FBXO38: variants seen among roughly 807,000 people sequenced by gnomAD.
FBXO38 encodes the protein F-box only protein 38.
A neutral mutation model predicts 131.9 loss-of-function variants in FBXO38; 53 were observed. The observed-to-expected ratio is 0.40, with a 90% CI of 0.32 to 0.51. The LOEUF (loss-of-function observed/expected upper bound fraction) is 0.51, where lower values mean the gene tolerates loss of function less well. Among genes scored for constraint, FBXO38 ranks in the 20% least tolerant of loss-of-function variants. The pLI, the probability that FBXO38 is intolerant of heterozygous loss-of-function variation, is 0.53. For missense variants in FBXO38, 1,076 were observed against 1,475.6 expected, an observed-to-expected ratio of 0.73 and a Z score of 4.44; for synonymous variants, 452 against 505.6, an observed-to-expected ratio of 0.89 and a Z score of 1.42.
intron 1 of FBXO38, among the ~76,000 whole-genome samples, chr5:148,387,138 ACAGTAGAACTTCTTT>A (rs1757954900): frequency 6.6e-6 from 1 of 152,202 alleles, no homozygotes; most frequent in Non-Finnish European, 1.5e-5. Context: ...CATTTTACTC[ACAGTAGAACTTCTTT>A]CAAAATTACA....
At chr5:148,440,552 A>T (rs1428460258) in intron 20 of FBXO38, 25 bp downstream of exon 20, 3 of 1,413,454 alleles carry the variant, frequency 2.1e-6, no homozygotes, top group Non-Finnish European at 3.0e-6. Context: ...ATGTTTAGAA[A>T]GTTAAATAGC....
intron 6 of FBXO38, 26 bp downstream of exon 6, chr5:148,404,848 T>G (rs780731913): frequency 6.4e-7 from 1 of 1,568,986 alleles, no homozygotes; most frequent in East Asian, 2.3e-5. Context: ...TATGGTGGAA[T>G]TAAACATAAG....
chr5:148,401,646 G>A (rs946170216), intron 3 of FBXO38, among the ~76,000 whole-genome samples: 10 of 152,108 alleles, frequency 6.6e-5, no homozygotes, highest in African/African-American at 2.4e-4. Context: ...GATCAGGTGG[G>A]TGGTCCCACT....
chr5:148,407,397 G>C (rs1031225528), intron 7 of FBXO38, among the ~76,000 whole-genome samples: 2 of 152,038 alleles, frequency 1.3e-5, no homozygotes, highest in Non-Finnish European at 2.9e-5. Flanking sequence ...TACTCAAGAA[G>C]TCAACATACC....
intron 3 of FBXO38, among the ~76,000 whole-genome samples, chr5:148,401,291 G>T (rs1454424806): frequency 2.0e-5 from 3 of 152,136 alleles, no homozygotes; most frequent in Non-Finnish European, 1.5e-5. Context: ...GCCTCTCTCT[G>T]TTCCCATCTT....
intron 7 of FBXO38, among the ~76,000 whole-genome samples, chr5:148,408,363 C>T (rs550290104): frequency 6.6e-6 from 1 of 152,310 alleles, no homozygotes; most frequent in East Asian, 1.9e-4. Flanking sequence ...GCAACAGTTG[C>T]ATTCCTGGCT....
intron 3 of FBXO38, 31 bp from the exon 4 acceptor site, chr5:148,401,951 A>C (rs761759334): frequency 5.8e-6 from 9 of 1,555,992 alleles, no homozygotes; most frequent in Non-Finnish European, 7.9e-6. Context: ...AGAAAGATGA[A>C]CCTGGCTCTA....
At chr5:148,430,165 T>A (rs1214484951) in intron 15 of FBXO38, 4 of 147,214 alleles carry the variant, frequency 2.7e-5, no homozygotes, top group African/African-American at 1.0e-4. Context: ...ATTATTTTTT[T>A]TTTTTTTGAG....
chr5:148,405,440 G>T (rs1752392139), intron 6 of FBXO38, among the ~76,000 whole-genome samples: 1 of 151,658 alleles, frequency 6.6e-6, no homozygotes, highest in Non-Finnish European at 1.5e-5. Flanking sequence ...TTCCAGTGTG[G>T]CCCAGTGATG....
chr5:148,399,150 G>C lies in FBXO38; in HGVS notation c.262+18G>C, dbSNP rs749326688. 1 of 1,612,488 alleles carries C rather than the reference G, an allele frequency of 6.2e-7. No homozygotes were observed. The highest frequency in any genetic ancestry group is 1.1e-5 in the South Asian group (1 of 91,038). On this transcript the variant is annotated intron_variant, in intron 3 of 21. Transcript: ENST00000340253. Reference sequence around the variant, plus strand: ...GCCAAGTGGTAAGTGGATTTAGTCTGTGAAGTACAGTAGTGTCCTACTGGA... The same window carrying C: ...GCCAAGTGGTAAGTGGATTTAGTCTCTGAAGTACAGTAGTGTCCTACTGGA...
chr5:148,406,235 A>G (rs1370419508), intron 6 of FBXO38, 22 bp from the exon 7 acceptor site: 2 of 1,544,596 alleles, frequency 1.3e-6, no homozygotes, highest in Non-Finnish European at 1.7e-6. Context: ...TTGTTCTATC[A>G]AAGATTTTTT....
intron 2 of FBXO38, among the ~76,000 whole-genome samples, chr5:148,395,512 C>T (rs1275187387): frequency 6.6e-6 from 1 of 151,662 alleles, no homozygotes; most frequent in Non-Finnish European, 1.5e-5. Context: ...TTCTAGTTTC[C>T]ACTGCTCTCT....
At position 148,393,634 on chromosome 5, in the gene FBXO38, T is replaced by C. The variant is rs78582409; in HGVS notation, c.-63-1080T>C. ...ATTCTGAGCTCATTTGCGTGGTTAT[T>C]TAATTGTGTATCTCCACTTAACTCT... On this transcript the variant is annotated intron_variant, in intron 1 of 21. Coordinates refer to ENST00000340253, the MANE Select transcript of FBXO38 (RefSeq NM_205836.3). Among the ~76,000 whole-genome samples the C allele has an allele frequency of 6.4e-4, 97 of 152,246 alleles. No homozygotes were observed. The East Asian group carries it at 0.01, about 16-fold the overall frequency.
At chr5:148,419,334 A>G (rs1220341559) in intron 12 of FBXO38, among the ~76,000 whole-genome samples, 1 of 152,152 alleles carries the variant, frequency 6.6e-6, no homozygotes, top group African/African-American at 2.4e-5. Context: ...GTTATTAAAC[A>G]TGTATACACA....
intron 21 of FBXO38, 151 bp from the exon 22 acceptor site, chr5:148,441,818 C>T: frequency 1.9e-6 from 1 of 534,948 alleles, no homozygotes; most frequent in Non-Finnish European, 3.1e-6. Context: ...AACATAAGAA[C>T]AAACTGGTGG....
chr5:148,410,436 C>G (rs556000378), intron 8 of FBXO38, 199 bp from the exon 9 acceptor site: 1 of 594,238 alleles, frequency 1.7e-6, no homozygotes, highest in Non-Finnish European at 2.9e-6. Flanking sequence ...GTGACTTGCT[C>G]CTTTTTGCCT....
chr5:148,432,323 A>G (rs1169488135), intron 15 of FBXO38, among the ~76,000 whole-genome samples: 3 of 152,246 alleles, frequency 2.0e-5, no homozygotes, highest in Non-Finnish European at 2.9e-5. Context: ...AATAAGGACA[A>G]TATTTGCTTA....
intron 12 of FBXO38, among the ~76,000 whole-genome samples, chr5:148,419,400 A>T (rs1753268636): frequency 6.6e-6 from 1 of 152,168 alleles, no homozygotes; most frequent in South Asian, 2.1e-4. Flanking sequence ...CAAACTAAGG[A>T]ACTAGAAAAA....
At chr5:148,385,219 T>G (rs143277788) in intron 1 of FBXO38, 2 of 152,330 alleles carry the variant, frequency 1.3e-5, no homozygotes, top group East Asian at 3.9e-4. Flanking sequence ...CTTTAAAATA[T>G]GTGATGCTGT....
Sources: allele counts gnomAD v4.1 joint callset (sites outside exome capture counted in the v4.1 genomes callset), GRCh38; gene constraint gnomAD v4.1.1; transcripts MANE v1.5; gene names NCBI Gene and HGNC (gene_info 2026-07-23, HGNC 2026-07-21).